The following ARHGAP6 variants were observed in gnomAD, a reference collection of about 807,000 sequenced individuals.
ARHGAP6 encodes rho GTPase-activating protein 6.
A neutral mutation model predicts 55.7 loss-of-function variants in ARHGAP6; 16 were observed. The ratio of observed to expected loss-of-function variants is 0.29; its 90% CI spans 0.19 to 0.44. The LOEUF (loss-of-function observed/expected upper bound fraction) is 0.44. ARHGAP6 is among the 20% of genes least tolerant of loss of function. ARHGAP6 has a pLI of 1.00. For synonymous variants in ARHGAP6, 382 were observed against 360.9 expected (o/e 1.06, Z -0.66); for missense variants, 698 against 808.9 (o/e 0.86, Z 1.66).
intron 1 of ARHGAP6, among the ~76,000 whole-genome samples, chrX:11,649,991 CTTTTTTT>C (rs201517374): frequency 3.4e-5 from 3 of 88,112 alleles, no homozygotes; most frequent in African/African-American, 8.3e-5. Context: ...ACTTTCTTTT[CTTTTTTT>C]TTTTTTTTTT....
intron 1 of ARHGAP6, among the ~76,000 whole-genome samples, chrX:11,506,794 A>C (rs2050738449): frequency 9.0e-6 from 1 of 111,644 alleles, no homozygotes; most frequent in Admixed American, 9.5e-5. Context: ...TTCTAGTTCT[A>C]GATCCTTGAG....
intron 2 of ARHGAP6, among the ~76,000 whole-genome samples, chrX:11,228,628 T>G (rs2047087964): frequency 8.9e-6 from 1 of 112,295 alleles, no homozygotes; most frequent in African/African-American, 3.2e-5. Flanking sequence ...CCATAAGTAC[T>G]GCATATTTAA....
intron 1 of ARHGAP6, among the ~76,000 whole-genome samples, chrX:11,597,678 G>C (rs1458454802): frequency 8.9e-6 from 1 of 112,012 alleles, no homozygotes; most frequent in Non-Finnish European, 1.9e-5. Flanking sequence ...GTCAGGGCTT[G>C]AACTTGGCTC....
chrX:11,558,364 C>T (rs764259677), intron 1 of ARHGAP6, among the ~76,000 whole-genome samples: 1 of 111,591 alleles, frequency 9.0e-6, no homozygotes, highest in South Asian at 3.8e-4. Flanking sequence ...ATGTTATTTT[C>T]CAAGGAACAT....
At chrX:11,288,000 A>C (rs927761396) in intron 1 of ARHGAP6, among the ~76,000 whole-genome samples, 2 of 112,351 alleles carry the variant, frequency 1.8e-5, no homozygotes, top group Non-Finnish European at 3.8e-5. Context: ...TGCTGATCCC[A>C]GAGATGCTCA....
chrX:11,610,143 A>G (rs2052085948), intron 1 of ARHGAP6, among the ~76,000 whole-genome samples: 1 of 111,321 alleles, frequency 9.0e-6, no homozygotes, highest in Non-Finnish European at 1.9e-5. Flanking sequence ...AAAAAAAAAA[A>G]AAATACAAAA....
chrX:11,570,429 G>C (rs1018566359), intron 1 of ARHGAP6, among the ~76,000 whole-genome samples: 3 of 111,413 alleles, frequency 2.7e-5, no homozygotes, highest in Non-Finnish European at 5.6e-5. Context: ...CTGAAGGTTG[G>C]AGATAACAAT....
chrX:11,207,910 G>A (rs764385246), intron 2 of ARHGAP6, among the ~76,000 whole-genome samples: 8 of 111,548 alleles, frequency 7.2e-5, no homozygotes, highest in South Asian at 3.8e-4. Flanking sequence ...GTCACCTGCC[G>A]CTCTGCTGCC....
At chrX:11,510,487 T>C (rs756872315) in intron 1 of ARHGAP6, among the ~76,000 whole-genome samples, 28 of 111,468 alleles carry the variant, frequency 2.5e-4, no homozygotes, top group African/African-American at 9.1e-4. Context: ...CTTGGATGAT[T>C]GAGCTTGTAC....
intron 1 of ARHGAP6, among the ~76,000 whole-genome samples, chrX:11,503,426 G>T (rs2050700503): frequency 9.0e-6 from 1 of 111,469 alleles, no homozygotes; most frequent in South Asian, 3.8e-4. Flanking sequence ...TCTTGCCAGG[G>T]TTAGACTCCT....
intron 5 of ARHGAP6, among the ~76,000 whole-genome samples, chrX:11,183,598 C>T (rs768205509): frequency 8.0e-5 from 9 of 111,848 alleles, no homozygotes; most frequent in Non-Finnish European, 1.7e-4. Context: ...GGTCGATGTG[C>T]CTTTTAGTCT....
intron 10 of ARHGAP6, among the ~76,000 whole-genome samples, chrX:11,156,221 G>A (rs1342819613): frequency 2.7e-5 from 3 of 112,332 alleles, no homozygotes; most frequent in East Asian, 2.8e-4. Flanking sequence ...AATCATTGAC[G>A]TGTATTATAG....
At chrX:11,180,620 G>A (rs2046302361) in intron 6 of ARHGAP6, among the ~76,000 whole-genome samples, 1 of 111,829 alleles carries the variant, frequency 8.9e-6, no homozygotes, top group African/African-American at 3.3e-5. Context: ...CTACTTCTAA[G>A]TAAACACTAA....
chrX:11,378,392 T>G (rs2147718962), intron 1 of ARHGAP6, among the ~76,000 whole-genome samples: 1 of 112,462 alleles, frequency 8.9e-6, no homozygotes, highest in South Asian at 3.7e-4. Flanking sequence ...ATAAGAACTC[T>G]CTCATTAAAT....
chrX:11,384,731 G>A (rs2049307335), intron 1 of ARHGAP6, among the ~76,000 whole-genome samples: 1 of 112,003 alleles, frequency 8.9e-6, no homozygotes, highest in African/African-American at 3.2e-5. Flanking sequence ...ACTATCCCCA[G>A]ACAAATTAAA....
intron 1 of ARHGAP6, among the ~76,000 whole-genome samples, chrX:11,373,406 G>A (rs5935044): frequency 0.043 from 4,636 of 108,143 alleles, 99 homozygotes; most frequent in Middle Eastern, 0.092. Context: ...AAGAGAGAGA[G>A]AAAAAAGCAA....
At chrX:11,450,203 AGT>A (rs34050296) in intron 1 of ARHGAP6, among the ~76,000 whole-genome samples, 4,438 of 89,714 alleles carry the variant, frequency 0.049, 94 homozygotes, top group African/African-American at 0.082. Flanking sequence ...ACAAATAATA[AGT>A]GTGTGTGTGT....
At chrX:11,167,488 T>C (rs375739846) in intron 9 of ARHGAP6, among the ~76,000 whole-genome samples, 8 of 111,402 alleles carry the variant, frequency 7.2e-5, no homozygotes, top group Non-Finnish European at 1.3e-4. Flanking sequence ...AAGATCAGAT[T>C]TGGGAAAAGC....
At position 11,144,208 on chromosome X, in the gene ARHGAP6, C is replaced by T. The variant is rs1341099811; in HGVS notation, c.1948G>A (p.Gly650Arg). 1 of 1,211,668 alleles carries T rather than the reference C, an allele frequency of 8.3e-7. No homozygotes were observed. The highest frequency in any genetic ancestry group is 1.8e-5 in the South Asian group (1 of 56,990). ...GAGTCTGTAGATGAATGCCTCCCTC[C>T]CACGGAAAAGGAAACTTCCGACTGC... ...MLQSEVSFSV[G>R]GRHSSTDSNK... The change falls in exon 11 of 13, where the codon GGA (glycine) becomes AGA (arginine). Residue 650 changes from glycine to arginine, a missense_variant. Gly to Arg is a moderately radical substitution (Grantham distance 125). This residue lies in a region of ARHGAP6 where 322 missense variants were observed against 451.1 expected (regional missense o/e 0.71). Transcript: ENST00000337414.
Sources: gnomAD v4.1 joint callset for allele counts (sites outside exome capture counted in the v4.1 genomes callset) on GRCh38, gnomAD v4.1.1 for gene constraint, gnomAD v4.1.1 regional missense constraint, MANE v1.5 for transcripts, NCBI Gene and HGNC (gene_info 2026-07-23, HGNC 2026-07-21) for gene names.